Variants in SLC44A5 observed in about 807,000 individuals in gnomAD.
SLC44A5 encodes choline transporter-like protein 5.
Under a neutral mutation model 101.8 loss-of-function variants are expected in SLC44A5, and 57 were observed. The ratio of observed to expected loss-of-function variants is 0.56; its 90% CI spans 0.45 to 0.70. The LOEUF is 0.70. SLC44A5 is among the 30% of genes least tolerant of loss of function. The probability of loss-of-function intolerance (pLI) is 0.00; values close to 1 mark genes in which losing one functional copy is unlikely to be tolerated. For synonymous variants in SLC44A5, 281 were observed against 290.9 expected, an observed-to-expected ratio of 0.97 and a Z score of 0.35; for missense variants, 737 against 853.1, an observed-to-expected ratio of 0.86 and a Z score of 1.70.
intron 5 of SLC44A5, among the ~76,000 whole-genome samples, chr1:75,296,757 T>C (rs1375194052): frequency 6.6e-6 from 1 of 152,174 alleles, no homozygotes; most frequent in Non-Finnish European, 1.5e-5. Context: ...AACCAATGCC[T>C]GTATTGTAGG....
chr1:75,320,634 C>T (rs1168152650), intron 4 of SLC44A5, among the ~76,000 whole-genome samples: 1 of 152,102 alleles, frequency 6.6e-6, no homozygotes, highest in Non-Finnish European at 1.5e-5. Flanking sequence ...TTAATGGTTG[C>T]TACCTTTCCT....
At chr1:75,405,680 C>T (rs959837250) in intron 2 of SLC44A5, among the ~76,000 whole-genome samples, 5 of 151,868 alleles carry the variant, frequency 3.3e-5, no homozygotes, top group Middle Eastern at 3.4e-3. Flanking sequence ...GAAAATGTAC[C>T]CAAATCTGTG....
chr1:75,677,392 C>G, the SLC44A5 span, among the ~76,000 whole-genome samples: 2 of 152,122 alleles, frequency 1.3e-5, no homozygotes, highest in Admixed American at 1.3e-4. Context: ...TTTAAGCAAT[C>G]AGTGATAAGT....
At chr1:75,333,272 A>C (rs1190054738) in intron 4 of SLC44A5, among the ~76,000 whole-genome samples, 1 of 152,188 alleles carries the variant, frequency 6.6e-6, no homozygotes, top group African/African-American at 2.4e-5. Flanking sequence ...TCAGAATGCA[A>C]ATGTGAATTG....
At chr1:75,646,302 T>C in the SLC44A5 span, among the ~76,000 whole-genome samples, 1 of 150,244 alleles carries the variant, frequency 6.7e-6, no homozygotes, top group Admixed American at 6.7e-5. Flanking sequence ...TCCTCTTTTA[T>C]TTCATTGAGC....
At chr1:75,282,832 GC>G (rs1242886352) in intron 5 of SLC44A5, among the ~76,000 whole-genome samples, 1 of 152,136 alleles carries the variant, frequency 6.6e-6, no homozygotes, top group Non-Finnish European at 1.5e-5. Flanking sequence ...GGTCTCCCCA[GC>G]CATGCTGAAC....
rs1384549304 is a variant in SLC44A5, at chr1:75,380,855, G to A, written c.52+15728C>T. Among the ~76,000 whole-genome samples the A allele has an allele frequency of 3.6e-4, 29 of 81,486 alleles. 2 individuals are homozygous for A. Among genetic ancestry groups the A allele is most frequent in the Admixed American group, 1.8e-3 (15 of 8,340 alleles). The allele number at this position is 81,486 out of a possible 152,430, so 53.5% of individuals were successfully genotyped here. ...TGGGTACCTGGCCCCACAGATGATCGCTGCCCTGCCAAACCTGAGGAAGAA... is the reference window on the plus strand; with the variant it reads ...TGGGTACCTGGCCCCACAGATGATCACTGCCCTGCCAAACCTGAGGAAGAA... On this transcript the variant is annotated intron_variant, in intron 3 of 23. Coordinates refer to ENST00000370859, the MANE Select transcript of SLC44A5 (RefSeq NM_001130058.2).
In SLC44A5 at chr1:75,218,526, C is replaced by T. The variant is rs1336961196; in HGVS notation, c.1493G>A (p.Arg498Gln). 8 of 1,613,662 alleles carry T rather than the reference C, an allele frequency of 5.0e-6. No individual in the cohort carries two copies. The highest frequency in any genetic ancestry group is 1.1e-5 in the South Asian group (1 of 91,066). The change falls in exon 17 of 24, where the codon CGA (arginine) becomes CAA (glutamine). Residue 498 changes from arginine (R) to glutamine (Q), a missense_variant. Coordinates refer to ENST00000370859, the MANE Select transcript of SLC44A5 (RefSeq NM_001130058.2). Reference protein sequence around the residue: ...WAMKKPDDIPRYPLFTAFGRA... With the variant: ...WAMKKPDDIPQYPLFTAFGRA... The stretch of plus-strand genomic sequence containing the variant: ...TCCAAATGCAGTAAAAAGTGGATAT[C>T]GTGGGATGTCATCAGGTTTTTTCAT...
chr1:75,224,919 A>G (rs1447193261), intron 13 of SLC44A5, among the ~76,000 whole-genome samples: 1 of 152,198 alleles, frequency 6.6e-6, no homozygotes, highest in Admixed American at 6.5e-5. Context: ...AAAAGTTAAA[A>G]AAATTAAAAA....
intron 1 of SLC44A5, among the ~76,000 whole-genome samples, chr1:75,582,754 CTT>C (rs1171300281): frequency 1.3e-5 from 2 of 152,216 alleles, no homozygotes; most frequent in African/African-American, 4.8e-5. Context: ...AATTTAGCCT[CTT>C]ATTTAAATGA....
At chr1:75,276,005 G>T (rs987876741) in intron 5 of SLC44A5, among the ~76,000 whole-genome samples, 1 of 151,954 alleles carries the variant, frequency 6.6e-6, no homozygotes, top group Admixed American at 6.6e-5. Context: ...TATGTATATG[G>T]CCTGTGTGAC....
chr1:75,445,561 T>TACATAATATATAC (rs375639792), intron 2 of SLC44A5, among the ~76,000 whole-genome samples: 3 of 148,444 alleles, frequency 2.0e-5, no homozygotes, highest in Non-Finnish European at 1.5e-5. Context: ...ATGTATAAAT[T>TACATAATATATAC]ATATATATAA....
intron 3 of SLC44A5, among the ~76,000 whole-genome samples, chr1:75,384,944 C>T (rs1486347013): frequency 6.6e-6 from 1 of 150,768 alleles, no homozygotes; most frequent in African/African-American, 2.4e-5. Flanking sequence ...GAACAACCTG[C>T]TCCTGAATGA....
the SLC44A5 span, among the ~76,000 whole-genome samples, chr1:75,629,891 A>T: frequency 6.6e-6 from 1 of 152,354 alleles, no homozygotes; most frequent in Middle Eastern, 3.4e-3. Flanking sequence ...AAGCTGAGAA[A>T]ACAAACTGAG....
chr1:75,677,800 A>G, the SLC44A5 span: 3 of 412,926 alleles, frequency 7.3e-6, no homozygotes, highest in Non-Finnish European at 4.7e-6. Flanking sequence ...TACAGCTCCC[A>G]GCCTGAGCGA....
chr1:75,211,634 G>C, intron 22 of SLC44A5, 82 bp from the exon 23 acceptor site: 1 of 1,078,196 alleles, frequency 9.3e-7, no homozygotes, highest in Non-Finnish European at 1.4e-6. Flanking sequence ...TGAAAGCCAT[G>C]ATGAGAAAGT....
intron 1 of SLC44A5, among the ~76,000 whole-genome samples, chr1:75,565,573 G>A: frequency 6.6e-6 from 1 of 152,204 alleles, no homozygotes; most frequent in East Asian, 1.9e-4. Context: ...AATGGCCATA[G>A]CCATTTCCAT....
chr1:75,308,280 C>T (rs1012400031), intron 4 of SLC44A5, among the ~76,000 whole-genome samples: 1 of 152,118 alleles, frequency 6.6e-6, no homozygotes, highest in African/African-American at 2.4e-5. Context: ...TCTCTATCTT[C>T]TGATTAGTCT....
the SLC44A5 span, among the ~76,000 whole-genome samples, chr1:75,671,133 A>ATAAC: frequency 6.6e-6 from 1 of 152,178 alleles, no homozygotes; most frequent in Admixed American, 6.5e-5. Context: ...GTTTGTTTGA[A>ATAAC]TAACTTAGTG....
Sources: gnomAD v4.1 joint callset for allele counts (sites outside exome capture counted in the v4.1 genomes callset) on GRCh38, gnomAD v4.1.1 for gene constraint, MANE v1.5 for transcripts, NCBI Gene and HGNC (gene_info 2026-07-23, HGNC 2026-07-21) for gene names.